The following FSCN2 variants were observed in gnomAD, a reference collection of about 807,000 sequenced individuals.
FSCN2 encodes the protein fascin actin-bundling protein 2, retinal.
In FSCN2, 46 loss-of-function variants were observed where a neutral mutation model predicts 37.8. The ratio of observed to expected loss-of-function variants is 1.22; its 90% CI spans 0.96 to 1.56. The LOEUF (loss-of-function observed/expected upper bound fraction) is 1.56, where lower values mean the gene tolerates loss of function less well. Among genes scored for constraint, FSCN2 ranks in the 40% most tolerant of loss-of-function variants. The pLI, the probability that FSCN2 is intolerant of heterozygous loss-of-function variation, is 0.00. For missense variants in FSCN2, 844 were observed against 730.4 expected (o/e 1.16, Z -1.79); for synonymous variants, 351 against 309.4 (o/e 1.13, Z -1.41).
At chr17:81,531,497 G>A (rs995916625) in intron 1 of FSCN2, among the ~76,000 whole-genome samples, 10 of 140,630 alleles carry the variant, frequency 7.1e-5, no homozygotes, top group African/African-American at 2.3e-4. Flanking sequence ...TGATGGTGAT[G>A]GTGATGGTGG....
At chr17:81,524,598 T>C (rs1390332018), upstream of FSCN2, among the ~76,000 whole-genome samples, 1 of 151,896 alleles carries the variant, frequency 6.6e-6, no homozygotes, top group Non-Finnish European at 1.5e-5. Flanking sequence ...CCTCCGGAGG[T>C]GTGGCCACAG....
the FSCN2 span, among the ~76,000 whole-genome samples, chr17:81,520,537 C>T: frequency 6.6e-6 from 1 of 152,248 alleles, no homozygotes; most frequent in Non-Finnish European, 1.5e-5. Context: ...GGTGAGCCCC[C>T]GAGTCAGTGT....
intron 1 of FSCN2, among the ~76,000 whole-genome samples, chr17:81,532,521 G>A (rs867898721): frequency 6.8e-5 from 9 of 132,392 alleles, no homozygotes; most frequent in African/African-American, 1.9e-4. Flanking sequence ...GGTGACGATG[G>A]TGATGATGAT....
intron 1 of FSCN2, chr17:81,529,660 A>G (rs1555670934): frequency 1.6e-6 from 1 of 632,672 alleles, no homozygotes; most frequent in Non-Finnish European, 3.0e-6. Flanking sequence ...GGAGTCTGAG[A>G]CTGGAGAGGT....
intron 1 of FSCN2, among the ~76,000 whole-genome samples, chr17:81,532,710 ATGG>A (rs201946721): frequency 0.23 from 34,702 of 148,810 alleles, 4,632 homozygotes; most frequent in African/African-American, 0.36. Context: ...AGTGATAGTG[ATGG>A]TGGTGGTGAT....
rs1555670516 is a variant in FSCN2, at chr17:81,528,590, C to T, written c.59C>T (p.Thr20Ile). 6.2e-7 allele frequency: 1 copy of T among 1,609,210 alleles called. No homozygotes were observed. Among genetic ancestry groups the T allele is most frequent in the Admixed American group, 1.7e-5 (1 of 59,594 alleles). Residue 20 changes from threonine (T) to isoleucine (I), a missense_variant, in exon 1 of 5, where the codon ACT becomes ATT. Thr to Ile is a moderately conservative substitution (Grantham distance 89). Coordinates refer to ENST00000417245, the MANE Select transcript of FSCN2 (RefSeq NM_012418.4). ...LKIQFGLVND[T>I]DRYLTAESFG... ...ATCCAGTTTGGCCTCGTCAACGACA[C>T]TGACCGCTACCTGACAGCTGAGAGC...
At chr17:81,523,320 G>C in the FSCN2 span, among the ~76,000 whole-genome samples, 5 of 152,186 alleles carry the variant, frequency 3.3e-5, no homozygotes, top group Non-Finnish European at 7.4e-5. Context: ...CTGCCTTGCC[G>C]ATGGAGCCTG....
intron 1 of FSCN2, among the ~76,000 whole-genome samples, chr17:81,532,923 A>C (rs1390861467): frequency 3.9e-5 from 6 of 152,170 alleles, no homozygotes; most frequent in Admixed American, 3.9e-4. Context: ...CTTTAGAAGC[A>C]GGAAGCAGCA....
At position 81,532,017 on chromosome 17, in the gene FSCN2, G is replaced by C. The variant is rs932828352; in HGVS notation, c.826+2660G>C. On this transcript the variant is annotated intron_variant, in intron 1 of 4. Transcript: ENST00000417245. ...GATGGTGGTGGTGATGGTAGTGGTG[G>C]TGATGATAGTGATGGTGATGATGAT... is the stretch of plus-strand genomic sequence containing the variant. 3.7e-5 allele frequency among the ~76,000 whole-genome samples: 4 copies of C among 108,820 alleles called. No individual in the cohort carries two copies. The Admixed American group carries it at 3.9e-4, about 11-fold the overall frequency. The allele number at this position is 108,820 out of a possible 152,430, so 71.4% of individuals were successfully genotyped here. A position where few individuals can be genotyped will look rare whatever the true frequency, so the allele number is the denominator to read the frequency against.
At chr17:81,525,416 ACT>A (rs1184200920), upstream of FSCN2, among the ~76,000 whole-genome samples, 6 of 140,204 alleles carry the variant, frequency 4.3e-5, no homozygotes, top group Admixed American at 7.3e-5. Flanking sequence ...ACAGAGCAAG[ACT>A]CTGTCTCAAA....
At position 81,529,003 on chromosome 17, in the gene FSCN2, G is replaced by A. The variant is rs1319124844; in HGVS notation, c.472G>A (p.Glu158Lys). The change falls in exon 1 of 5, where the codon GAG becomes AAG. Residue 158 changes from glutamate (E) to lysine (K), a missense_variant. Glu to Lys is a moderately conservative substitution (Grantham distance 56). Coordinates refer to ENST00000417245, the MANE Select transcript of FSCN2 (RefSeq NM_012418.4). ...RRRYVHLCPREDEMAADGDKP... is the reference protein window; with the variant it reads ...RRRYVHLCPRKDEMAADGDKP... ...GCGCTACGTGCACCTGTGCCCGCGG[G>A]AGGACGAGATGGCCGCAGACGGAGA... 4.4e-6 allele frequency: 7 copies of A among 1,584,508 alleles called. No individual in the cohort carries two copies. Among genetic ancestry groups the A allele is most frequent in the African/African-American group, 1.3e-5 (1 of 74,602 alleles).
intron 1 of FSCN2, among the ~76,000 whole-genome samples, chr17:81,531,489 A>C (rs796094075): frequency 2.4e-4 from 20 of 83,754 alleles, no homozygotes; most frequent in African/African-American, 9.4e-4. Flanking sequence ...GATGGTGATG[A>C]TGGTGATGGT....
upstream of FSCN2, among the ~76,000 whole-genome samples, chr17:81,524,346 G>A (rs1483836436): frequency 5.9e-5 from 9 of 152,320 alleles, no homozygotes; most frequent in African/African-American, 2.2e-4. Context: ...CAGGGGGCTG[G>A]GGGTACTGCT....
chr17:81,528,528 G>T lies in FSCN2; in HGVS notation c.-4G>T. ...GCCCCTCCGGGGACCCGGCCAGCCT[G>T]AAGATGCCGACGAACGGCCTGCACC... On this transcript the variant is annotated 5_prime_UTR_variant, in exon 1 of 5. Coordinates refer to ENST00000417245, the MANE Select transcript of FSCN2 (RefSeq NM_012418.4). 6.3e-7 allele frequency: 1 copy of T among 1,584,818 alleles called. No individual in the cohort carries two copies. Among genetic ancestry groups the T allele is most frequent in the East Asian group, 2.3e-5 (1 of 43,202 alleles).
At chr17:81,530,229 G>C (rs78333089) in intron 1 of FSCN2, 14,116 of 273,552 alleles carry the variant, frequency 0.052, 1,503 homozygotes, top group African/African-American at 0.25. Context: ...CCTCAGGAGT[G>C]GGGGGGCTTA....
At chr17:81,520,046 A>C in the FSCN2 span, among the ~76,000 whole-genome samples, 2 of 152,222 alleles carry the variant, frequency 1.3e-5, 1 homozygote, top group South Asian at 4.1e-4. Context: ...CCTGCTGGGG[A>C]CAGAGGCTTC....
At chr17:81,531,717 GTGGTGATGGTGATGGTGATGA>G (rs1568078012) in intron 1 of FSCN2, among the ~76,000 whole-genome samples, 5 of 89,346 alleles carry the variant, frequency 5.6e-5, no homozygotes, top group African/African-American at 2.6e-4. Flanking sequence ...GATAGTGATG[GTGGTGATGGTGATGGTGATGA>G]TGGTGATGAT....
Position 81,537,010 on chromosome 17 carries a change from G to T in FSCN2, c.1409G>T (p.Arg470Leu). Reference sequence around the variant, plus strand: ...CGCGCCCGGAGCGGCAAGTACCTGCGCGGCGGCGCCTCGGGCCTGCTGCGG... The same window carrying T: ...CGCGCCCGGAGCGGCAAGTACCTGCTCGGCGGCGCCTCGGGCCTGCTGCGG... The part of the protein sequence containing the change: ...AIRARSGKYL[R>L]GGASGLLRAD... Residue 470 changes from arginine (R) to leucine (L), a missense_variant, in exon 5 of 5, where the codon CGC becomes CTC. By Grantham distance (102) the Arg-to-Leu change is moderately radical. Transcript: ENST00000417245. The T allele has an allele frequency of 1.3e-6, 2 of 1,508,124 alleles. No homozygotes were observed. The highest frequency in any genetic ancestry group is 1.4e-5 in the African/African-American group (1 of 69,320). The allele number at this position is 1,508,124 out of a possible 1,614,324, so 93.4% of individuals were successfully genotyped here. A position where few individuals can be genotyped will look rare whatever the true frequency, so the allele number is the denominator to read the frequency against.
intron 3 of FSCN2, 88 bp from the exon 4 acceptor site, chr17:81,536,534 G>C: frequency 6.4e-7 from 1 of 1,568,698 alleles, no homozygotes; most frequent in Non-Finnish European, 8.6e-7. Context: ...CTAAGTCCAG[G>C]TGTGGCGTTT....
Sources: allele counts gnomAD v4.1 joint callset (sites outside exome capture counted in the v4.1 genomes callset), GRCh38; gene constraint gnomAD v4.1.1; transcripts MANE v1.5; gene names NCBI Gene and HGNC (gene_info 2026-07-23, HGNC 2026-07-21).